The following ODAD4 variants were observed in gnomAD, a reference collection of about 807,000 sequenced individuals.
ODAD4 encodes the protein outer dynein arm docking complex subunit 4, also known as outer dynein arm-docking complex subunit 4.
Under a neutral mutation model 51.8 loss-of-function variants are expected in ODAD4, and 49 were observed. The ratio of observed to expected loss-of-function variants is 0.95; its 90% CI spans 0.75 to 1.20. The LOEUF (loss-of-function observed/expected upper bound fraction) is 1.20, where lower values mean the gene tolerates loss of function less well. Ranked by LOEUF, ODAD4 falls within the 50% of genes most tolerant of loss-of-function variation. ODAD4 has a pLI of 0.00. For missense variants in ODAD4, 590 were observed against 586.5 expected, an observed-to-expected ratio of 1.01 and a Z score of -0.06; for synonymous variants, 235 against 221.3, an observed-to-expected ratio of 1.06 and a Z score of -0.55.
At chr17:41,951,885 A>C (rs868942304) in intron 9 of ODAD4, among the ~76,000 whole-genome samples, 1 of 92,186 alleles carries the variant, frequency 1.1e-5, no homozygotes, top group Non-Finnish European at 2.2e-5. Flanking sequence ...CTCTGTCGCA[A>C]AAAAAAAAAA....
intron 9 of ODAD4, chr17:41,954,954 C>T (rs375759958): frequency 4.2e-4 from 230 of 547,218 alleles, no homozygotes; most frequent in Non-Finnish European, 5.7e-4. Flanking sequence ...CACTAGACTG[C>T]ACCACAGTCC....
At chr17:41,941,638 G>A (rs1396281996) in intron 7 of ODAD4, among the ~76,000 whole-genome samples, 5 of 152,040 alleles carry the variant, frequency 3.3e-5, no homozygotes, top group Non-Finnish European at 5.9e-5. Flanking sequence ...AGTGTTAGCC[G>A]GGTGTGGTGG....
intron 7 of ODAD4, among the ~76,000 whole-genome samples, chr17:41,940,979 A>G (rs2050496639): frequency 6.6e-6 from 1 of 152,184 alleles, no homozygotes; most frequent in Admixed American, 6.5e-5. Flanking sequence ...CTGAGTCCCA[A>G]GCCAGAAGAC....
intron 1 of ODAD4, among the ~76,000 whole-genome samples, chr17:41,933,014 C>T (rs1598067542): frequency 6.6e-6 from 1 of 152,192 alleles, no homozygotes; most frequent in African/African-American, 2.4e-5. Flanking sequence ...TCCCCAGAGT[C>T]GTTTGTCCCT....
At chr17:41,958,607 G>A (rs568122486) in intron 10 of ODAD4, among the ~76,000 whole-genome samples, 45 of 144,846 alleles carry the variant, frequency 3.1e-4, no homozygotes, top group Middle Eastern at 3.9e-3. Flanking sequence ...GGTTGCATGA[G>A]CCAAGATCAT....
At chr17:41,951,883 CAAAAAAAAAAAAAAA>C (rs55769009) in intron 9 of ODAD4, among the ~76,000 whole-genome samples, 2 of 35,544 alleles carry the variant, frequency 5.6e-5, no homozygotes, top group African/African-American at 1.9e-4. Flanking sequence ...GACTCTGTCG[CAAAAAAAAAAAAAAA>C]AAAAAAAAAA....
intron 7 of ODAD4, among the ~76,000 whole-genome samples, chr17:41,943,374 A>G (rs561510803): frequency 6.6e-6 from 1 of 152,246 alleles, no homozygotes; most frequent in East Asian, 1.9e-4. Context: ...AGACCACCAA[A>G]CAGGCTTTGT....
At chr17:41,948,082 C>T (rs1161769903) in intron 8 of ODAD4, among the ~76,000 whole-genome samples, 2 of 151,918 alleles carry the variant, frequency 1.3e-5, no homozygotes, top group East Asian at 3.9e-4. Context: ...CTTGCCATTG[C>T]ACTCCAGACT....
chr17:41,931,355 C>T (rs1555636803), intron 1 of ODAD4, among the ~76,000 whole-genome samples: 1 of 152,182 alleles, frequency 6.6e-6, no homozygotes, highest in African/African-American at 2.4e-5. Context: ...AATCTCCATT[C>T]TCTGCGTTAA....
rs1555642398 is a variant in ODAD4 at position 41,965,190 on chromosome 17, A to C, written c.1726A>C (p.Ser576Arg). The C allele has an allele frequency of 1.3e-5, 10 of 773,576 alleles. No individual in the cohort carries two copies. The highest frequency in any genetic ancestry group is 2.4e-5 in the Non-Finnish European group (10 of 414,622). 47.9% of individuals were successfully genotyped at this position (773,576 alleles called of 1,614,324 possible). Residue 576 changes from serine to arginine, a missense_variant, in exon 12 of 12, where the codon AGC becomes CGC. Coordinates refer to ENST00000377540, the MANE Select transcript of ODAD4 (RefSeq NM_031421.5). ...GAGTGTGGAAGCAGGAAAAGCCAGA[A>C]GCGATTTGGGAGCAGTTGCCAAGGG... ...KQSVEAGKAR[S>R]DLGAVAKGLS...
chr17:41,945,257 A>G (rs782111707), intron 8 of ODAD4, 35 bp downstream of exon 8: 11 of 1,533,838 alleles, frequency 7.2e-6, no homozygotes, highest in South Asian at 1.2e-5. Context: ...CCCCACCTCC[A>G]TGGTTAGAAC....
chr17:41,939,009 A>G lies in ODAD4; in HGVS notation c.895A>G (p.Lys299Glu). 6.2e-7 allele frequency: 1 copy of G among 1,612,896 alleles called. No individual in the cohort carries two copies. The highest frequency in any genetic ancestry group is 1.7e-5 in the Admixed American group (1 of 59,782). The change falls in exon 7 of 12, where the codon AAA becomes GAA. Residue 299 changes from lysine to glutamate, a missense_variant. Lys to Glu is a moderately conservative substitution (Grantham distance 56). This residue lies in a region of ODAD4 where 360 missense variants were observed against 407.5 expected (regional missense o/e 0.88). Transcript: ENST00000377540. ...SAEGSLQKAE[K>E]VLKKVLEWNK... ...TGAAGGGAGTCTTCAGAAAGCTGAG[A>G]AAGTGCTGAAGAAGGTACTGGAATG...
intron 8 of ODAD4, among the ~76,000 whole-genome samples, chr17:41,945,832 C>T (rs1243186382): frequency 2.6e-5 from 4 of 152,026 alleles, no homozygotes; most frequent in African/African-American, 9.7e-5. Context: ...ACCCGGAAGG[C>T]GGAGGTTGCA....
intron 9 of ODAD4, among the ~76,000 whole-genome samples, chr17:41,954,406 G>A (rs1411307610): frequency 6.6e-6 from 1 of 152,128 alleles, no homozygotes; most frequent in East Asian, 1.9e-4. Flanking sequence ...GGAGAGCCCA[G>A]ATGAGCCGCT....
At position 41,936,473 on chromosome 17, in the gene ODAD4, G is replaced by A. The variant is rs782169838; in HGVS notation, c.398G>A (p.Ser133Asn). ...TGAGCTCCAGCTTCTTTCCTTGCAG[G>A]TCCTTCTTCCATTAAGCTGGAGAAC... The part of the protein sequence containing the change: ...AQEAINNSVG[S>N]PSSIKLENKG... The change falls in exon 4 of 12, where the codon AGT (serine) becomes AAT (asparagine). Residue 133 changes from serine (S) to asparagine (N), a missense_variant and splice_region_variant. Coordinates refer to ENST00000377540, the MANE Select transcript of ODAD4 (RefSeq NM_031421.5). 5.0e-6 allele frequency: 8 copies of A among 1,612,344 alleles called. No individual in the cohort carries two copies. Among genetic ancestry groups the A allele is most frequent in the Non-Finnish European group, 6.8e-6 (8 of 1,179,126 alleles).
At position 41,944,429 on chromosome 17, in the gene ODAD4, CA is replaced by C. The variant is rs1567932998; in HGVS notation, c.1059-706del. 4.6e-3 allele frequency among the ~76,000 whole-genome samples: 31 copies of C among 6,690 alleles called. 1 individual carries two copies. The highest frequency in any genetic ancestry group is 7.7e-3 in the Non-Finnish European group (11 of 1,436). 4.4% of individuals were successfully genotyped at this position (6,690 alleles called of 152,430 possible). ...ACACACACACACACACACACACACA[CA>C]CACACACACACACACCCCCCCGCAT... On this transcript the variant is annotated intron_variant, in intron 7 of 11. Transcript: ENST00000377540.
At chr17:41,943,017 TG>T (rs1555638888) in intron 7 of ODAD4, among the ~76,000 whole-genome samples, 2 of 152,020 alleles carry the variant, frequency 1.3e-5, no homozygotes, top group East Asian at 3.8e-4. Context: ...CATGAACCAT[TG>T]TGCCCGCGTT....
intron 7 of ODAD4, among the ~76,000 whole-genome samples, chr17:41,942,981 C>T (rs1280056165): frequency 1.3e-5 from 2 of 152,114 alleles, no homozygotes; most frequent in African/African-American, 4.8e-5. Context: ...TCCTACCTCA[C>T]CCTCCTGAGT....
chr17:41,942,034 G>A (rs782771371), intron 7 of ODAD4, among the ~76,000 whole-genome samples: 20 of 152,050 alleles, frequency 1.3e-4, no homozygotes, highest in South Asian at 4.2e-4. Flanking sequence ...TGCAACCTCC[G>A]CCTCCCTGGT....
Sources: gnomAD v4.1 joint callset for allele counts (sites outside exome capture counted in the v4.1 genomes callset) on GRCh38, gnomAD v4.1.1 for gene constraint, gnomAD v4.1.1 regional missense constraint, MANE v1.5 for transcripts, NCBI Gene and HGNC (gene_info 2026-07-23, HGNC 2026-07-21) for gene names.